The following DIAPH2 variants were observed in gnomAD, a reference collection of about 807,000 sequenced individuals.
DIAPH2 encodes diaphanous related formin 2.
In DIAPH2, 35 loss-of-function variants were observed where a neutral mutation model predicts 92.7. That is an observed-to-expected ratio of 0.38 (90% CI 0.29 to 0.50). DIAPH2 has a LOEUF of 0.50. Among genes scored for constraint, DIAPH2 ranks in the 20% least tolerant of loss-of-function variants. The probability of loss-of-function intolerance (pLI) is 0.94; values close to 1 mark genes in which losing one functional copy is unlikely to be tolerated. For missense variants in DIAPH2, 701 were observed against 819.5 expected, an observed-to-expected ratio of 0.86 and a Z score of 1.77; for synonymous variants, 301 against 280.4, an observed-to-expected ratio of 1.07 and a Z score of -0.73.
At chrX:97,102,475 A>G (rs925744734) in intron 20 of DIAPH2, among the ~76,000 whole-genome samples, 26 of 111,945 alleles carry the variant, frequency 2.3e-4, no homozygotes, top group African/African-American at 8.5e-4. Context: ...TCAGAAAAAG[A>G]GGAGCTCCAT....
chrX:97,264,601 A>G (rs967640816), intron 23 of DIAPH2, among the ~76,000 whole-genome samples: 6 of 112,471 alleles, frequency 5.3e-5, no homozygotes, highest in Admixed American at 9.4e-5. Flanking sequence ...TATTTTAGAA[A>G]AGTTATGTGG....
intron 10 of DIAPH2, among the ~76,000 whole-genome samples, chrX:96,935,960 A>G (rs781634798): frequency 8.9e-6 from 1 of 111,864 alleles, no homozygotes; most frequent in South Asian, 3.7e-4. Flanking sequence ...TGTCTGGCTT[A>G]TGTAATTTTC....
At position 97,330,111 on chromosome X, in the gene DIAPH2, G is replaced by GTA. The variant is rs1556027892; in HGVS notation, c.2845-18003_2845-18002dup. On this transcript the variant is annotated intron_variant, in intron 23 of 26. Coordinates refer to ENST00000324765, the MANE Select transcript of DIAPH2 (RefSeq NM_006729.5). ...TGTGTGTGTGTGTGTGTGTGTGTGT[G>GTA]TATGTGTGTGTATGTGTGTGTAGAG... is the stretch of plus-strand genomic sequence containing the variant. Among the ~76,000 whole-genome samples, 6 of 87,965 alleles carry GTA rather than the reference G, an allele frequency of 6.8e-5. No individual in the cohort carries two copies. The East Asian group carries it at 1.8e-3, about 27-fold the overall frequency. The allele number at this position is 87,965 out of a possible 115,157, so 76.4% of individuals were successfully genotyped here.
At chrX:97,018,752 A>G (rs530563387) in intron 17 of DIAPH2, among the ~76,000 whole-genome samples, 13 of 111,880 alleles carry the variant, frequency 1.2e-4, no homozygotes, top group African/African-American at 3.2e-4. Context: ...TTTTTACACA[A>G]TAATCAATAT....
intron 1 of DIAPH2, among the ~76,000 whole-genome samples, chrX:96,732,176 T>A (rs1368432196): frequency 1.8e-5 from 2 of 111,400 alleles, no homozygotes; most frequent in South Asian, 3.7e-4. Context: ...ATGAAAAAAA[T>A]TTTTTTGGTG....
intron 4 of DIAPH2, among the ~76,000 whole-genome samples, chrX:96,777,768 A>G (rs978573886): frequency 1.8e-5 from 2 of 111,881 alleles, no homozygotes; most frequent in African/African-American, 3.2e-5. Flanking sequence ...AGCTTTTTAT[A>G]TATAACAAAT....
chrX:97,214,797 C>T (rs888953573), intron 22 of DIAPH2, among the ~76,000 whole-genome samples: 1 of 97,290 alleles, frequency 1.0e-5, no homozygotes, highest in Non-Finnish European at 2.0e-5. Context: ...CACCATTGTG[C>T]TCCAGCCTGG....
At chrX:97,573,529 A>G (rs1394615308) in intron 26 of DIAPH2, among the ~76,000 whole-genome samples, 1 of 111,034 alleles carries the variant, frequency 9.0e-6, no homozygotes, top group African/African-American at 3.3e-5. Flanking sequence ...AACTCACTGG[A>G]TAGTTTGGGG....
At chrX:97,127,732 T>C (rs1354620749) in intron 21 of DIAPH2, among the ~76,000 whole-genome samples, 3 of 112,615 alleles carry the variant, frequency 2.7e-5, no homozygotes, top group Admixed American at 1.9e-4. Context: ...TTAGGCCAGG[T>C]GCGGTGGCTC....
chrX:97,113,564 T>C (rs1004108655), intron 20 of DIAPH2, among the ~76,000 whole-genome samples: 2 of 112,212 alleles, frequency 1.8e-5, no homozygotes, highest in Non-Finnish European at 3.8e-5. Flanking sequence ...CAGAGGTTCA[T>C]ATTTGGAGAG....
At chrX:96,832,765 A>C (rs2064863474) in intron 4 of DIAPH2, among the ~76,000 whole-genome samples, 1 of 111,689 alleles carries the variant, frequency 9.0e-6, no homozygotes, top group Non-Finnish European at 1.9e-5. Flanking sequence ...GATTTCATAA[A>C]AGTTGCTGTT....
At chrX:97,321,544 ATTTTTTTTTTT>A (rs72265655) in intron 23 of DIAPH2, among the ~76,000 whole-genome samples, 2 of 48,412 alleles carry the variant, frequency 4.1e-5, no homozygotes, top group African/African-American at 1.5e-4. Context: ...TTGTGTTGTT[ATTTTTTTTTTT>A]TTTTTTTTTT....
chrX:97,314,245 CAAAAAAA>C (rs1277986455), intron 23 of DIAPH2, among the ~76,000 whole-genome samples: 2 of 48,260 alleles, frequency 4.1e-5, no homozygotes, highest in Non-Finnish European at 8.1e-5. Context: ...CCTGTCTCTA[CAAAAAAA>C]AAAAAAAAAA....
At chrX:96,739,749 C>A (rs891689621) in intron 3 of DIAPH2, among the ~76,000 whole-genome samples, 4 of 112,031 alleles carry the variant, frequency 3.6e-5, no homozygotes, top group African/African-American at 1.3e-4. Context: ...TTTGGGTATT[C>A]CCCTGAAACG....
rs1269580934 is a variant in DIAPH2, at chrX:97,599,492, A to G, written c.*175A>G. The stretch of plus-strand genomic sequence containing the variant: ...ATACTATTGCAAGACTCCTCCCACA[A>G]TTATTCTAATCTGAACACAGTTATC... On this transcript the variant is annotated 3_prime_UTR_variant, in exon 27 of 27. Coordinates refer to ENST00000324765, the MANE Select transcript of DIAPH2 (RefSeq NM_006729.5). 4 of 309,679 alleles carry G rather than the reference A, an allele frequency of 1.3e-5. No individual in the cohort carries two copies. The highest frequency in any genetic ancestry group is 6.6e-5 in the East Asian group (1 of 15,163). 25.5% of individuals were successfully genotyped at this position (309,679 alleles called of 1,213,427 possible). A position where few individuals can be genotyped will look rare whatever the true frequency, so the allele number is the denominator to read the frequency against.
intron 17 of DIAPH2, among the ~76,000 whole-genome samples, chrX:97,001,459 A>C (rs955886867): frequency 3.6e-5 from 4 of 111,275 alleles, no homozygotes; most frequent in Non-Finnish European, 7.5e-5. Flanking sequence ...CCTGACCAAC[A>C]TAGTGAAACC....
chrX:96,926,890 T>C (rs1349254322), intron 9 of DIAPH2, among the ~76,000 whole-genome samples: 1 of 111,479 alleles, frequency 9.0e-6, no homozygotes, highest in Non-Finnish European at 1.9e-5. Context: ...CTTTAAAATT[T>C]TGATCCTCAT....
At chrX:97,185,395 GTATATATATATATA>G (rs68018026) in intron 22 of DIAPH2, among the ~76,000 whole-genome samples, 1 of 17,849 alleles carries the variant, frequency 5.6e-5, no homozygotes, top group African/African-American at 2.4e-4. Flanking sequence ...ATATATATGT[GTATATATATATATA>G]TGTATATATA....
intron 5 of DIAPH2, among the ~76,000 whole-genome samples, chrX:96,908,580 C>A (rs1462590760): frequency 5.4e-5 from 6 of 110,854 alleles, no homozygotes; most frequent in African/African-American, 2.0e-4. Context: ...ATATCTGTTT[C>A]AACTGGATTC....
Sources: gnomAD v4.1 joint callset for allele counts (sites outside exome capture counted in the v4.1 genomes callset) on GRCh38, gnomAD v4.1.1 for gene constraint, MANE v1.5 for transcripts, NCBI Gene and HGNC (gene_info 2026-07-23, HGNC 2026-07-21) for gene names.